The following SNTG2 variants were observed in gnomAD, a reference collection of about 807,000 sequenced individuals.
SNTG2 encodes syntrophin gamma 2.
A neutral mutation model predicts 70.9 loss-of-function variants in SNTG2; 74 were observed. The ratio of observed to expected loss-of-function variants is 1.04; its 90% CI spans 0.86 to 1.27. The LOEUF (loss-of-function observed/expected upper bound fraction) is 1.27, where lower values mean the gene tolerates loss of function less well. Among genes scored for constraint, SNTG2 ranks in the 50% most tolerant of loss-of-function variants. The pLI, the probability that SNTG2 is intolerant of heterozygous loss-of-function variation, is 0.00. For synonymous variants in SNTG2, 278 were observed against 273.8 expected (o/e 1.02, Z -0.15); for missense variants, 717 against 690.7 (o/e 1.04, Z -0.43).
At chr2:1,355,330 C>T (rs944421601) in intron 16 of SNTG2, among the ~76,000 whole-genome samples, 3 of 152,194 alleles carry the variant, frequency 2.0e-5, no homozygotes, top group Non-Finnish European at 2.9e-5. Flanking sequence ...GAAACTGCAC[C>T]CGTGGAACGG....
intron 1 of SNTG2, among the ~76,000 whole-genome samples, chr2:1,004,325 T>C (rs1025862506): frequency 6.6e-6 from 1 of 152,206 alleles, no homozygotes; most frequent in African/African-American, 2.4e-5. Flanking sequence ...AAGAAATAAC[T>C]GCTAATTTAA....
chr2:1,354,802 G>A (rs963430822), intron 16 of SNTG2, among the ~76,000 whole-genome samples: 15 of 152,216 alleles, frequency 9.9e-5, no homozygotes, highest in East Asian at 1.9e-4. Flanking sequence ...TTGCGAATGC[G>A]ATCGGCTGGA....
chr2:1,161,643 A>G (rs935079031), intron 6 of SNTG2: 2 of 152,250 alleles, frequency 1.3e-5, no homozygotes, highest in African/African-American at 4.8e-5. Context: ...TTCAAACTAA[A>G]TAAAAAATAA....
chr2:1,248,500 G>A (rs1489265064), intron 12 of SNTG2, among the ~76,000 whole-genome samples: 3 of 152,196 alleles, frequency 2.0e-5, no homozygotes, highest in Non-Finnish European at 4.4e-5. Flanking sequence ...AAATAAACCA[G>A]CACTTTGTGC....
chr2:974,462 G>T (rs899003617), intron 1 of SNTG2, among the ~76,000 whole-genome samples: 1 of 152,130 alleles, frequency 6.6e-6, no homozygotes, highest in Non-Finnish European at 1.5e-5. Flanking sequence ...TTGACCCTGG[G>T]GTGAGCGTTA....
intron 16 of SNTG2, among the ~76,000 whole-genome samples, chr2:1,333,513 AG>A (rs1195907242): frequency 6.6e-6 from 1 of 152,180 alleles, no homozygotes; most frequent in Non-Finnish European, 1.5e-5. Flanking sequence ...ACAAATTTGG[AG>A]GTATCACATT....
At chr2:1,085,034 C>T (rs142525115) in intron 2 of SNTG2, among the ~76,000 whole-genome samples, 10 of 152,296 alleles carry the variant, frequency 6.6e-5, no homozygotes, top group Middle Eastern at 3.4e-3. Context: ...AGGCCACTGT[C>T]GGTCTTCACG....
At chr2:1,310,571 G>C (rs1188798092) in intron 15 of SNTG2, among the ~76,000 whole-genome samples, 1 of 152,162 alleles carries the variant, frequency 6.6e-6, no homozygotes, top group Non-Finnish European at 1.5e-5. Context: ...AGTGATGTTT[G>C]TGAGTTTCCA....
intron 1 of SNTG2, among the ~76,000 whole-genome samples, chr2:1,080,149 G>A (rs1664190857): frequency 6.6e-6 from 1 of 152,200 alleles, no homozygotes; most frequent in African/African-American, 2.4e-5. Flanking sequence ...CGATGGCTTA[G>A]TGAAAGTCTG....
chr2:1,031,437 G>C (rs1213535093), intron 1 of SNTG2, among the ~76,000 whole-genome samples: 1 of 147,320 alleles, frequency 6.8e-6, no homozygotes, highest in Non-Finnish European at 1.5e-5. Flanking sequence ...AGTCTCATAT[G>C]GTTTCTCATG....
chr2:1,279,549 C>G (rs911558968), intron 14 of SNTG2, among the ~76,000 whole-genome samples: 1 of 152,200 alleles, frequency 6.6e-6, no homozygotes. Flanking sequence ...CTGTTTTGGT[C>G]TTTCTGAAGG....
chr2:1,002,377 A>T (rs1659424698), intron 1 of SNTG2, among the ~76,000 whole-genome samples: 1 of 152,170 alleles, frequency 6.6e-6, no homozygotes, highest in African/African-American at 2.4e-5. Flanking sequence ...AATATCCAGA[A>T]TCTACAAGGA....
Position 1,046,779 on chromosome 2 carries a change from G to C in SNTG2, c.73-36739G>C, listed in dbSNP as rs186198551. Reference sequence around the variant, plus strand: ...GGGGATCTTCCTCTTCTCTCTCTCTGTCTTTAACATTTTTTCTTTTGTATT... The same window carrying C: ...GGGGATCTTCCTCTTCTCTCTCTCTCTCTTTAACATTTTTTCTTTTGTATT... On this transcript the variant is annotated intron_variant, in intron 1 of 16. Transcript: ENST00000308624. Among the ~76,000 whole-genome samples, 690 of 151,974 alleles carry C rather than the reference G, an allele frequency of 4.5e-3. 2 individuals carry two copies. The highest frequency in any genetic ancestry group is 7.8e-3 in the Non-Finnish European group (533 of 67,984).
At chr2:1,018,192 T>C (rs1659971175) in intron 1 of SNTG2, among the ~76,000 whole-genome samples, 1 of 152,168 alleles carries the variant, frequency 6.6e-6, no homozygotes, top group South Asian at 2.1e-4. Context: ...CTTTTAAAAA[T>C]CCCATTAAGG....
intron 16 of SNTG2, among the ~76,000 whole-genome samples, chr2:1,320,931 C>T (rs921246913): frequency 6.6e-6 from 1 of 152,108 alleles, no homozygotes; most frequent in Admixed American, 6.5e-5. Flanking sequence ...CCATTTTTGC[C>T]TCTAGGCTGA....
chr2:1,257,630 T>C (rs1411812727), intron 12 of SNTG2, among the ~76,000 whole-genome samples: 2 of 152,210 alleles, frequency 1.3e-5, no homozygotes, highest in Admixed American at 1.3e-4. Context: ...CATATTGATA[T>C]CAGACTAGTA....
chr2:1,060,872 G>C (rs1414286477), intron 1 of SNTG2, among the ~76,000 whole-genome samples: 2 of 152,214 alleles, frequency 1.3e-5, no homozygotes, highest in Non-Finnish European at 2.9e-5. Context: ...TATGTTCACA[G>C]TCCCAATGGG....
intron 6 of SNTG2, among the ~76,000 whole-genome samples, chr2:1,149,718 G>C (rs1192274553): frequency 2.1e-5 from 3 of 145,058 alleles, no homozygotes; most frequent in Non-Finnish European, 3.0e-5. Context: ...AATGGAATCT[G>C]GCTCTGTTGC....
intron 4 of SNTG2, among the ~76,000 whole-genome samples, chr2:1,109,266 T>C (rs1034337255): frequency 1.3e-5 from 2 of 152,058 alleles, no homozygotes; most frequent in African/African-American, 4.8e-5. Context: ...TGAGGAAGAA[T>C]GAAGCTCTCC....
Sources: gnomAD v4.1 joint callset for allele counts (sites outside exome capture counted in the v4.1 genomes callset) on GRCh38, gnomAD v4.1.1 for gene constraint, MANE v1.5 for transcripts, NCBI Gene and HGNC (gene_info 2026-07-23, HGNC 2026-07-21) for gene names.